Variants in CELF4 observed in about 807,000 individuals in gnomAD.
The protein encoded by CELF4 is CUGBP Elav-like family member 4.
CELF4 carries 18 observed loss-of-function variants against 59.9 expected under a neutral mutation model. The observed-to-expected ratio is 0.30, with a 90% confidence interval of 0.21 to 0.45. The LOEUF is 0.45. Among genes scored for constraint, CELF4 ranks in the 20% least tolerant of loss-of-function variants. The pLI is 1.00. For synonymous variants in CELF4, 261 were observed against 267.1 expected, an observed-to-expected ratio of 0.98 and a Z score of 0.22; for missense variants, 456 against 689.0, an observed-to-expected ratio of 0.66 and a Z score of 3.79.
chr18:37,548,564 G>A (rs1011183786), intron 1 of CELF4, among the ~76,000 whole-genome samples: 3 of 152,174 alleles, frequency 2.0e-5, no homozygotes, highest in Non-Finnish European at 4.4e-5. Context: ...TGCTGTTTCC[G>A]ATAGTGAGCC....
chr18:37,541,490 C>G (rs909220479), intron 1 of CELF4, among the ~76,000 whole-genome samples: 1 of 152,178 alleles, frequency 6.6e-6, no homozygotes, highest in African/African-American at 2.4e-5. Flanking sequence ...GGCTGCCCCC[C>G]TCCGTGTCTG....
intron 1 of CELF4, among the ~76,000 whole-genome samples, chr18:37,521,667 C>T (rs1337290045): frequency 3.9e-5 from 6 of 152,218 alleles, no homozygotes; most frequent in Admixed American, 2.0e-4. Flanking sequence ...AAGATCAGAG[C>T]GTGCCTGTCT....
chr18:37,259,234 T>C lies in CELF4; in HGVS notation c.1280A>G (p.His427Arg). 8.2e-6 allele frequency: 13 copies of C among 1,575,856 alleles called. No homozygotes were observed. The highest frequency in any genetic ancestry group is 1.1e-5 in the Non-Finnish European group (13 of 1,165,346). ...AGCGTCCCCAAACTCCTGGGGCAGA[T>C]GGTAGATGAACAGGTTACAGCCCTC... The part of the protein sequence containing the change: ...GPEGCNLFIY[H>R]LPQEFGDAEL... The change falls in exon 11 of 13, where the codon CAT becomes CGT. Residue 427 changes from histidine (H) to arginine (R), a missense_variant. Physicochemically the swap from His to Arg is conservative, Grantham distance 29. Transcript: ENST00000420428.
intron 2 of CELF4, among the ~76,000 whole-genome samples, chr18:37,443,658 A>T (rs1210397747): frequency 6.6e-6 from 1 of 152,082 alleles, no homozygotes; most frequent in African/African-American, 2.4e-5. Flanking sequence ...TTCCCTGCCC[A>T]CATCTTCATT....
intron 2 of CELF4, among the ~76,000 whole-genome samples, chr18:37,412,033 T>G (rs1306386916): frequency 1.3e-5 from 2 of 152,218 alleles, no homozygotes; most frequent in Non-Finnish European, 1.5e-5. Context: ...GGTGTTTTCT[T>G]TATTTTCTTC....
At chr18:37,313,484 C>T (rs184770058) in intron 3 of CELF4, among the ~76,000 whole-genome samples, 6 of 152,286 alleles carry the variant, frequency 3.9e-5, no homozygotes, top group Non-Finnish European at 5.9e-5. Flanking sequence ...TCTGCACACT[C>T]GCTAAACTGC....
intron 2 of CELF4, among the ~76,000 whole-genome samples, chr18:37,418,046 G>A (rs577812774): frequency 6.6e-6 from 1 of 152,270 alleles, no homozygotes; most frequent in South Asian, 2.1e-4. Context: ...TACCAGTGAG[G>A]GGCATCATGA....
chr18:37,389,314 C>T (rs79712814), intron 2 of CELF4, among the ~76,000 whole-genome samples: 1,578 of 152,276 alleles, frequency 0.01, 20 homozygotes, highest in African/African-American at 0.035. Flanking sequence ...GAGTCCACAC[C>T]CACAGGGCAG....
intron 2 of CELF4, among the ~76,000 whole-genome samples, chr18:37,414,461 T>C (rs1477945492): frequency 2.0e-5 from 3 of 151,416 alleles, no homozygotes; most frequent in Admixed American, 2.0e-4. Flanking sequence ...CATTCTTCTA[T>C]CTATCCATCT....
chr18:37,515,108 C>T (rs542822517), intron 1 of CELF4, among the ~76,000 whole-genome samples: 1 of 152,256 alleles, frequency 6.6e-6, no homozygotes, highest in Non-Finnish European at 1.5e-5. Flanking sequence ...TATTTGATAA[C>T]TCTGGGCTTA....
chr18:37,461,441 T>G (rs1198000044), intron 2 of CELF4, among the ~76,000 whole-genome samples: 1 of 152,120 alleles, frequency 6.6e-6, no homozygotes, highest in Non-Finnish European at 1.5e-5. Context: ...AAAAGCCCCT[T>G]ATAAAACCAT....
intron 1 of CELF4, among the ~76,000 whole-genome samples, chr18:37,552,455 C>T (rs565449862): frequency 6.8e-4 from 103 of 152,298 alleles, no homozygotes; most frequent in Non-Finnish European, 1.2e-3. Context: ...GTGGTGGCAT[C>T]CCAGAAGTCA....
intron 2 of CELF4, among the ~76,000 whole-genome samples, chr18:37,362,362 C>T (rs760043931): frequency 2.0e-5 from 3 of 152,194 alleles, no homozygotes; most frequent in African/African-American, 4.8e-5. Flanking sequence ...CGGCGGCAGC[C>T]GAAGGTCAAG....
At chr18:37,514,487 A>C (rs1422025142) in intron 1 of CELF4, among the ~76,000 whole-genome samples, 1 of 152,116 alleles carries the variant, frequency 6.6e-6, no homozygotes, top group Non-Finnish European at 1.5e-5. Flanking sequence ...TTCTTCCGAG[A>C]GCCTGGTATC....
intron 2 of CELF4, among the ~76,000 whole-genome samples, chr18:37,435,817 T>C (rs1622317): frequency 0.78 from 117,950 of 152,122 alleles, 45,865 homozygotes; most frequent in South Asian, 0.86. Flanking sequence ...GTCAGAGCCC[T>C]GTAGGATGCC....
intron 2 of CELF4, among the ~76,000 whole-genome samples, chr18:37,466,564 C>G (rs892077242): frequency 1.3e-5 from 2 of 152,084 alleles, no homozygotes; most frequent in Non-Finnish European, 2.9e-5. Flanking sequence ...GGGTCTGGTC[C>G]CAAGGGTTCA....
intron 2 of CELF4, among the ~76,000 whole-genome samples, chr18:37,408,513 A>T (rs1603637296): frequency 9.7e-6 from 1 of 102,780 alleles, no homozygotes; most frequent in Non-Finnish European, 2.0e-5. Context: ...GCGGTGCAGG[A>T]GGATGTGAGA....
At position 37,368,912 on chromosome 18, in the gene CELF4, G is replaced by C. The variant is rs2098822939; in HGVS notation, c.370-47031C>G. 2.0e-5 allele frequency among the ~76,000 whole-genome samples: 3 copies of C among 152,190 alleles called. No homozygotes were observed. The South Asian group carries it at 6.2e-4, about 32-fold the overall frequency. On this transcript the variant is annotated intron_variant, in intron 2 of 12. Transcript: ENST00000420428. Reference sequence around the variant, plus strand: ...GTGAACACCTGGGCATCCCTGTTTGGGGGAGATGTGTGGTCCTGGTGCATA... The same window carrying C: ...GTGAACACCTGGGCATCCCTGTTTGCGGGAGATGTGTGGTCCTGGTGCATA...
intron 3 of CELF4, among the ~76,000 whole-genome samples, chr18:37,310,142 CTA>C (rs2096592254): frequency 6.6e-6 from 1 of 152,004 alleles, no homozygotes; most frequent in African/African-American, 2.4e-5. Flanking sequence ...AGTTCACCAA[CTA>C]TGTTTCTCCC....
Sources: allele counts gnomAD v4.1 joint callset (sites outside exome capture counted in the v4.1 genomes callset), GRCh38; gene constraint gnomAD v4.1.1; transcripts MANE v1.5; gene names NCBI Gene and HGNC (gene_info 2026-07-23, HGNC 2026-07-21).